Variants in STARD13 observed in about 807,000 individuals in gnomAD.
STARD13 encodes StAR related lipid transfer domain containing 13.
Under a neutral mutation model 106.4 loss-of-function variants are expected in STARD13, and 62 were observed. The ratio of observed to expected loss-of-function variants is 0.58; its 90% CI spans 0.48 to 0.72. The LOEUF (loss-of-function observed/expected upper bound fraction) is 0.72, where lower values mean the gene tolerates loss of function less well. STARD13 is among the 30% of genes least tolerant of loss of function. STARD13 has a pLI of 0.00. For synonymous variants in STARD13, 565 were observed against 553.0 expected, an observed-to-expected ratio of 1.02 and a Z score of -0.31; for missense variants, 1,387 against 1,424.0, an observed-to-expected ratio of 0.97 and a Z score of 0.42.
intron 1 of STARD13, among the ~76,000 whole-genome samples, chr13:33,305,241 T>C (rs1892862080): frequency 6.6e-6 from 1 of 152,192 alleles, no homozygotes; most frequent in South Asian, 2.1e-4. Flanking sequence ...CATTTCTTCA[T>C]TCCTTCACCA....
chr13:33,207,669 G>A (rs1328414507), intron 1 of STARD13, among the ~76,000 whole-genome samples: 3 of 152,146 alleles, frequency 2.0e-5, no homozygotes, highest in East Asian at 1.9e-4. Context: ...CCATGAGAAC[G>A]TCATTCTGTG....
the STARD13 span, among the ~76,000 whole-genome samples, chr13:33,368,497 C>T: frequency 1.3e-5 from 2 of 152,310 alleles, no homozygotes; most frequent in South Asian, 4.1e-4. Context: ...CAATTTATCC[C>T]TGTTTCCTCC....
the STARD13 span, among the ~76,000 whole-genome samples, chr13:33,655,028 A>G: frequency 6.6e-6 from 1 of 152,214 alleles, no homozygotes; most frequent in Non-Finnish European, 1.5e-5. Context: ...TAAGAACTAG[A>G]TACACAAAAT....
chr13:33,150,261 G>A (rs1881099446), intron 3 of STARD13, among the ~76,000 whole-genome samples: 1 of 152,212 alleles, frequency 6.6e-6, no homozygotes, highest in Non-Finnish European at 1.5e-5. Flanking sequence ...CCACCACTGA[G>A]TATGACAGGC....
the STARD13 span, among the ~76,000 whole-genome samples, chr13:33,649,661 A>C: frequency 5.9e-5 from 9 of 152,250 alleles, no homozygotes; most frequent in African/African-American, 2.2e-4. Context: ...CCTTTCCTCA[A>C]AACACTTGAT....
At chr13:33,609,105 A>AAAAAAAAAAAAAAAAAAAAAAAAAG in the STARD13 span, among the ~76,000 whole-genome samples, 9 of 133,152 alleles carry the variant, frequency 6.8e-5, no homozygotes, top group African/African-American at 2.3e-4. Flanking sequence ...AAAAAAAAAA[A>AAAAAAAAAAAAAAAAAAAAAAAAAG]AAATATTGAT....
At chr13:33,463,549 C>T in the STARD13 span, among the ~76,000 whole-genome samples, 2 of 152,108 alleles carry the variant, frequency 1.3e-5, no homozygotes, top group African/African-American at 4.8e-5. Context: ...CCAAGACCTG[C>T]CTCCAGAGTC....
At chr13:33,534,615 G>T in the STARD13 span, among the ~76,000 whole-genome samples, 1 of 152,008 alleles carries the variant, frequency 6.6e-6, no homozygotes, top group Non-Finnish European at 1.5e-5. Flanking sequence ...CTTTTCTAAT[G>T]TATTTTTTTA....
the STARD13 span, among the ~76,000 whole-genome samples, chr13:33,415,864 A>C: frequency 6.6e-6 from 1 of 152,248 alleles, no homozygotes; most frequent in Non-Finnish European, 1.5e-5. Flanking sequence ...AATCTGTAAG[A>C]TAGATTAGAA....
At position 33,112,821 on chromosome 13, in the gene STARD13, T is replaced by G; in HGVS notation, c.2392A>C (p.Asn798His). 1.9e-6 allele frequency: 3 copies of G among 1,613,962 alleles called. No homozygotes were observed. Among genetic ancestry groups the G allele is most frequent in the Non-Finnish European group, 2.5e-6 (3 of 1,179,934 alleles). ...GTCATCTGATTCTCTTCCACCAAGT[T>G]GACGACGTCGTTCAGGAAACACAAG... Reference protein sequence around the residue: ...TLLCFLNDVVNLVEENQMTPM... With the variant: ...TLLCFLNDVVHLVEENQMTPM... Residue 798 changes from asparagine (N) to histidine (H), a missense_variant, in exon 9 of 14, where the codon AAC (asparagine) becomes CAC (histidine). Asn to His is a moderately conservative substitution (Grantham distance 68). Transcript: ENST00000336934.
chr13:33,661,609 T>G, the STARD13 span, among the ~76,000 whole-genome samples: 1 of 152,114 alleles, frequency 6.6e-6, no homozygotes, highest in Admixed American at 6.5e-5. Context: ...CTTCACAGGG[T>G]GGCAAGAGAG....
chr13:33,372,884 C>G, the STARD13 span, among the ~76,000 whole-genome samples: 1 of 151,944 alleles, frequency 6.6e-6, no homozygotes, highest in African/African-American at 2.4e-5. Flanking sequence ...CCACAAATGT[C>G]CACTAGCTTT....
At chr13:33,120,008 C>T (rs1223150720) in intron 7 of STARD13, among the ~76,000 whole-genome samples, 1 of 152,186 alleles carries the variant, frequency 6.6e-6, no homozygotes, top group African/African-American at 2.4e-5. Context: ...ACATCTTCTG[C>T]TTTTCTGATT....
At chr13:33,440,094 T>C in the STARD13 span, among the ~76,000 whole-genome samples, 1 of 151,984 alleles carries the variant, frequency 6.6e-6, no homozygotes, top group East Asian at 1.9e-4. Flanking sequence ...CTGGGCAACA[T>C]AGCGAGACAC....
the STARD13 span, among the ~76,000 whole-genome samples, chr13:33,468,272 G>T: frequency 6.6e-6 from 1 of 152,056 alleles, no homozygotes; most frequent in Admixed American, 6.5e-5. Flanking sequence ...ATCTCTACAG[G>T]CCCCTGATGT....
intron 9 of STARD13, 90 bp downstream of exon 9, chr13:33,112,631 C>A (rs1422724093): frequency 1.9e-6 from 2 of 1,037,902 alleles, no homozygotes; most frequent in Non-Finnish European, 2.8e-6. Context: ...CCATTCGTAT[C>A]TATCTATCCA....
At chr13:33,360,704 A>AGACAGGAT in the STARD13 span, among the ~76,000 whole-genome samples, 3 of 68,528 alleles carry the variant, frequency 4.4e-5, no homozygotes, top group Admixed American at 1.4e-4. Flanking sequence ...GACAGAAGGA[A>AGACAGGAT]TCCTTCTGTG....
intron 1 of STARD13, among the ~76,000 whole-genome samples, chr13:33,200,837 C>G (rs973890591): frequency 1.3e-5 from 2 of 150,990 alleles, no homozygotes; most frequent in African/African-American, 4.9e-5. Flanking sequence ...CTGGCTAACA[C>G]GGTGAAACCC....
chr13:33,210,529 A>G (rs11616742), intron 1 of STARD13, among the ~76,000 whole-genome samples: 9,592 of 152,296 alleles, frequency 0.063, 334 homozygotes, highest in African/African-American at 0.09. Flanking sequence ...GTTAATGTAC[A>G]TAAAATGCTT....
Sources: allele counts gnomAD v4.1 joint callset (sites outside exome capture counted in the v4.1 genomes callset), GRCh38; gene constraint gnomAD v4.1.1; transcripts MANE v1.5; gene names NCBI Gene and HGNC (gene_info 2026-07-23, HGNC 2026-07-21).